Variants in FOXP2 observed in about 807,000 individuals in gnomAD.
FOXP2 encodes forkhead box P2.
FOXP2 carries 12 observed loss-of-function variants against 115.8 expected under a neutral mutation model. That is an observed-to-expected ratio of 0.10 (90% CI 0.07 to 0.17). The LOEUF (loss-of-function observed/expected upper bound fraction) is 0.17, where lower values mean the gene tolerates loss of function less well. FOXP2 is among the 10% of genes least tolerant of loss of function. The probability of loss-of-function intolerance (pLI) is 1.00; values close to 1 mark genes in which losing one functional copy is unlikely to be tolerated. For synonymous variants in FOXP2, 328 were observed against 297.7 expected (o/e 1.10, Z -1.05); for missense variants, 629 against 843.5 (o/e 0.75, Z 3.15).
intron 16 of FOXP2, among the ~76,000 whole-genome samples, chr7:114,672,667 C>T (rs1007492058): frequency 1.3e-5 from 2 of 151,944 alleles, no homozygotes; most frequent in Non-Finnish European, 2.9e-5. Context: ...CAAAACTCAA[C>T]TCAGGAGAAA....
At chr7:114,427,593 TTAAAC>T (rs1793916162) in intron 2 of FOXP2, among the ~76,000 whole-genome samples, 1 of 151,578 alleles carries the variant, frequency 6.6e-6, no homozygotes, top group African/African-American at 2.4e-5. Context: ...TGAATTGCAC[TTAAAC>T]TAAATGCCTA....
chr7:114,300,275 T>C (rs1021816917), intron 2 of FOXP2, among the ~76,000 whole-genome samples: 2 of 152,090 alleles, frequency 1.3e-5, no homozygotes, highest in Admixed American at 6.6e-5. Context: ...AGTTAGAGTA[T>C]ATAAAACAAT....
intron 2 of FOXP2, among the ~76,000 whole-genome samples, chr7:114,375,879 CT>C: frequency 6.6e-6 from 1 of 152,270 alleles, no homozygotes; most frequent in South Asian, 2.1e-4. Context: ...GATATGGGGT[CT>C]GCCCAGATTT....
chr7:114,357,663 G>A, intron 2 of FOXP2, among the ~76,000 whole-genome samples: 1 of 152,150 alleles, frequency 6.6e-6, no homozygotes, highest in East Asian at 1.9e-4. Flanking sequence ...ATCACTCTCA[G>A]TGAGCAGAAC....
intron 1 of FOXP2, among the ~76,000 whole-genome samples, chr7:114,129,714 A>G (rs913219275): frequency 1.1e-4 from 16 of 152,198 alleles, no homozygotes; most frequent in African/African-American, 3.9e-4. Flanking sequence ...CGAACTTTAT[A>G]AATTAACCCT....
At chr7:114,212,544 G>A (rs746302971) in intron 1 of FOXP2, among the ~76,000 whole-genome samples, 4 of 150,988 alleles carry the variant, frequency 2.6e-5, no homozygotes, top group South Asian at 2.1e-4. Context: ...AAGGCCAATA[G>A]ACATGCTGAA....
chr7:114,565,236 A>T (rs1451671571), intron 3 of FOXP2, among the ~76,000 whole-genome samples: 1 of 151,630 alleles, frequency 6.6e-6, no homozygotes, highest in East Asian at 1.9e-4. Context: ...AATTTACAAG[A>T]CTTTTTTTAT....
Position 114,447,749 on chromosome 7 carries a change from AC to A in FOXP2, c.168+21073del, listed in dbSNP as rs1794900171. ...ACCCCCGACCCATACACAAATGCAT[AC>A]CCATCTTGGGTAGATTCCTTTTATA... On this transcript the variant is annotated intron_variant, in intron 2 of 16. Coordinates refer to ENST00000350908, the MANE Select transcript of FOXP2 (RefSeq NM_014491.4). 2.0e-5 allele frequency among the ~76,000 whole-genome samples: 3 copies of A among 152,234 alleles called. No homozygotes were observed. The South Asian group carries it at 6.2e-4, about 32-fold the overall frequency.
At chr7:114,570,765 T>C (rs375525730) in intron 3 of FOXP2, 31 of 1,469,970 alleles carry the variant, frequency 2.1e-5, no homozygotes, top group African/African-American at 4.2e-5. Context: ...AGCCTTAAGA[T>C]TGAAAAAAAA....
At chr7:114,165,956 C>A (rs1156922523) in intron 1 of FOXP2, among the ~76,000 whole-genome samples, 1 of 152,266 alleles carries the variant, frequency 6.6e-6, no homozygotes, top group South Asian at 2.1e-4. Flanking sequence ...AATGGACCCA[C>A]ACAAATATAG....
intron 3 of FOXP2, among the ~76,000 whole-genome samples, chr7:114,586,594 T>A (rs879342630): frequency 2.0e-5 from 3 of 152,102 alleles, no homozygotes; most frequent in Non-Finnish European, 4.4e-5. Context: ...TGCTTTTATT[T>A]AATTTTTACA....
chr7:114,260,107 G>A (rs1795711900), intron 1 of FOXP2, among the ~76,000 whole-genome samples: 1 of 151,728 alleles, frequency 6.6e-6, no homozygotes, highest in Non-Finnish European at 1.5e-5. Flanking sequence ...GGCCAGGCTG[G>A]TTCAAACTTC....
At chr7:114,268,960 G>A (rs566938429) in intron 1 of FOXP2, among the ~76,000 whole-genome samples, 8 of 152,214 alleles carry the variant, frequency 5.3e-5, no homozygotes, top group African/African-American at 1.9e-4. Context: ...CACTAGTCCA[G>A]TATGTTTACT....
At chr7:114,588,641 TATCCAAGCATATTGAATAA>T (rs1396735156) in intron 3 of FOXP2, among the ~76,000 whole-genome samples, 7 of 152,162 alleles carry the variant, frequency 4.6e-5, no homozygotes, top group African/African-American at 1.7e-4. Context: ...TTTAGAGAGA[TATCCAAGCATATTGAATAA>T]ATCCAAGCAT....
intron 2 of FOXP2, among the ~76,000 whole-genome samples, chr7:114,353,384 T>G (rs1299953561): frequency 7.2e-6 from 1 of 138,022 alleles, no homozygotes. Context: ...TCACAGAGAT[T>G]GGAGGCAAGC....
chr7:114,310,656 TTTGTTGTTG>T (rs370289479), intron 2 of FOXP2, among the ~76,000 whole-genome samples: 1 of 151,708 alleles, frequency 6.6e-6, no homozygotes, highest in African/African-American at 2.4e-5. Flanking sequence ...AGATTCTGTG[TTTGTTGTTG>T]TTGTTGTTGT....
At chr7:114,169,988 A>G (rs1361941261) in intron 1 of FOXP2, among the ~76,000 whole-genome samples, 1 of 152,180 alleles carries the variant, frequency 6.6e-6, no homozygotes, top group Non-Finnish European at 1.5e-5. Flanking sequence ...ATGTGAAACT[A>G]TAAGTCCATT....
intron 2 of FOXP2, among the ~76,000 whole-genome samples, chr7:114,396,708 C>A (rs1792751597): frequency 6.6e-6 from 1 of 151,434 alleles, no homozygotes; most frequent in Admixed American, 6.6e-5. Flanking sequence ...AGATGTTGAT[C>A]AAAGAATACA....
At chr7:114,652,026 T>TA (rs1339470156) in intron 8 of FOXP2, among the ~76,000 whole-genome samples, 177 bp from the exon 9 acceptor site, 12 of 152,134 alleles carry the variant, frequency 7.9e-5, no homozygotes, top group African/African-American at 2.9e-4. Context: ...TTACATTACA[T>TA]AAATAATTTT....
Sources: gnomAD v4.1 joint callset for allele counts (sites outside exome capture counted in the v4.1 genomes callset) on GRCh38, gnomAD v4.1.1 for gene constraint, MANE v1.5 for transcripts, NCBI Gene and HGNC (gene_info 2026-07-23, HGNC 2026-07-21) for gene names.